Variants in CIB1 observed in about 807,000 individuals in gnomAD.
CIB1 encodes calcium and integrin-binding protein 1.
CIB1 carries 19 observed loss-of-function variants against 25.0 expected under a neutral mutation model. That is an observed-to-expected ratio of 0.76 (90% CI 0.53 to 1.12). The LOEUF is 1.12. CIB1 is among the 50% of genes most tolerant of loss of function. The probability of loss-of-function intolerance (pLI) is 0.00; values close to 1 mark genes in which losing one functional copy is unlikely to be tolerated. For synonymous variants in CIB1, 104 were observed against 98.5 expected, an observed-to-expected ratio of 1.06 and a Z score of -0.33; for missense variants, 236 against 242.6, an observed-to-expected ratio of 0.97 and a Z score of 0.18.
chr15:90,231,743 G>C lies in CIB1; in HGVS notation c.196-236C>G, dbSNP rs1962498476. ...AGTCAAGTGTTTAACCCAAAGGCAG[G>C]TCACATACAACGTAAGTGTGGGCAG... is the stretch of plus-strand genomic sequence containing the variant. On this transcript the variant is annotated intron_variant, in intron 3 of 6. Coordinates refer to ENST00000328649, the MANE Select transcript of CIB1 (RefSeq NM_006384.4). Among the ~76,000 whole-genome samples, 3 of 152,324 alleles carry C rather than the reference G, an allele frequency of 2.0e-5. No individual in the cohort carries two copies. The South Asian group carries it at 6.2e-4, about 32-fold the overall frequency.
Position 90,231,146 on chromosome 15 carries a change from C to G in CIB1, c.414G>C (p.Glu138Asp). ...ACGCACTAAGCCGTGTGTCCTCGCCCTCTCCCGTGAGGCAGTTCACCAGCC... is the reference window on the plus strand; with the variant it reads ...ACGCACTAAGCCGTGTGTCCTCGCCGTCTCCCGTGAGGCAGTTCACCAGCC... ...LSRLVNCLTGEGEDTRLSASE... is the reference protein window; with the variant it reads ...LSRLVNCLTGDGEDTRLSASE... The change falls in exon 5 of 7, where the codon GAG becomes GAC. Residue 138 changes from glutamate (E) to aspartate (D), a missense_variant. Glu to Asp is a conservative substitution (Grantham distance 45, BLOSUM62 2). Transcript: ENST00000328649. The G allele has an allele frequency of 2.5e-6, 4 of 1,614,222 alleles. No homozygotes were observed. The highest frequency in any genetic ancestry group is 3.4e-6 in the Non-Finnish European group (4 of 1,180,036).
At chr15:90,251,704 C>T in the CIB1 span, 19 of 1,253,034 alleles carry the variant, frequency 1.5e-5, no homozygotes, top group Middle Eastern at 2.0e-4. Flanking sequence ...TGGGGCCTGG[C>T]GGGCTTGCCT....
the CIB1 span, among the ~76,000 whole-genome samples, chr15:90,261,255 T>C: frequency 3.3e-5 from 5 of 151,656 alleles, no homozygotes; most frequent in African/African-American, 1.2e-4. Flanking sequence ...ATTTTTGTAT[T>C]TTTAGTAGAA....
At chr15:90,258,279 A>C in the CIB1 span, 1 of 1,613,854 alleles carries the variant, frequency 6.2e-7, no homozygotes, top group Non-Finnish European at 8.5e-7. Flanking sequence ...GGTGAGGATT[A>C]TCTCCTAGGC....
the CIB1 span, chr15:90,257,383 G>A: frequency 8.8e-6 from 13 of 1,475,260 alleles, 1 homozygote; most frequent in African/African-American, 1.8e-4. Flanking sequence ...AAAGAACAAG[G>A]AATGAAGCCA....
the CIB1 span, chr15:90,264,160 G>C: frequency 1.4e-6 from 1 of 705,566 alleles, no homozygotes; most frequent in Non-Finnish European, 2.3e-6. Context: ...ACTTCCACCA[G>C]TGTAAGAATG....
the CIB1 span, chr15:90,264,867 T>C: frequency 6.5e-7 from 1 of 1,535,818 alleles, no homozygotes; most frequent in Non-Finnish European, 8.7e-7. Flanking sequence ...CCCTCCATGG[T>C]AAACTCTGAA....
chr15:90,247,315 A>AAG, the CIB1 span, among the ~76,000 whole-genome samples: 1 of 120,240 alleles, frequency 8.3e-6, no homozygotes, highest in South Asian at 2.5e-4. Context: ...TTTTTTTTTT[A>AAG]AGAGAGAGAG....
At chr15:90,257,404 C>A in the CIB1 span, 2 of 1,381,002 alleles carry the variant, frequency 1.4e-6, no homozygotes, top group Non-Finnish European at 1.9e-6. Flanking sequence ...GCAAGAGCTG[C>A]AGCATCTAGC....
At chr15:90,245,966 C>A in the CIB1 span, among the ~76,000 whole-genome samples, 10 of 152,046 alleles carry the variant, frequency 6.6e-5, no homozygotes. Context: ...GACCTCCCCA[C>A]GTTTTTGCTT....
At chr15:90,260,913 G>A in the CIB1 span, among the ~76,000 whole-genome samples, 8 of 151,290 alleles carry the variant, frequency 5.3e-5, no homozygotes, top group East Asian at 3.9e-4. Flanking sequence ...ACGCATGCAC[G>A]CACAAGCTAG....
At chr15:90,240,962 T>A in the CIB1 span, 1 of 1,614,072 alleles carries the variant, frequency 6.2e-7, no homozygotes, top group Non-Finnish European at 8.5e-7. Flanking sequence ...CTCCCAACAA[T>A]GAGGACTGGG....
At chr15:90,253,588 A>G in the CIB1 span, among the ~76,000 whole-genome samples, 3 of 152,086 alleles carry the variant, frequency 2.0e-5, no homozygotes, top group African/African-American at 7.2e-5. Flanking sequence ...GGCACATCCT[A>G]TCTCATGATT....
chr15:90,251,806 T>C, the CIB1 span, among the ~76,000 whole-genome samples: 2 of 136,850 alleles, frequency 1.5e-5, no homozygotes, highest in East Asian at 2.2e-4. Flanking sequence ...TTAGGGAGGG[T>C]ATCCTCACAG....
chr15:90,264,974 G>A, the CIB1 span: 1 of 1,532,482 alleles, frequency 6.5e-7, no homozygotes, highest in Non-Finnish European at 8.7e-7. Flanking sequence ...GTAAAAGCAG[G>A]AGGGAAGCAC....
At chr15:90,250,322 A>G in the CIB1 span, among the ~76,000 whole-genome samples, 1 of 152,148 alleles carries the variant, frequency 6.6e-6, no homozygotes, top group Non-Finnish European at 1.5e-5. Flanking sequence ...GTCATGGCCC[A>G]TACCATCTGT....
the CIB1 span, chr15:90,262,651 C>G: frequency 6.7e-7 from 1 of 1,495,846 alleles, no homozygotes; most frequent in African/African-American, 1.4e-5. Flanking sequence ...CTTACAGGAA[C>G]CGCAACTGGG....
the CIB1 span, chr15:90,256,425 G>A: frequency 6.0e-6 from 7 of 1,175,354 alleles, no homozygotes; most frequent in Non-Finnish European, 6.0e-6. Flanking sequence ...TTTTCCTGGA[G>A]GCAGTATCCA....
the CIB1 span, chr15:90,264,057 C>T: frequency 2.4e-5 from 36 of 1,527,860 alleles, no homozygotes; most frequent in East Asian, 8.1e-4. Flanking sequence ...GGCTCACTAG[C>T]CGTAAGTATG....
Sources: allele counts gnomAD v4.1 joint callset (sites outside exome capture counted in the v4.1 genomes callset), GRCh38; gene constraint gnomAD v4.1.1; transcripts MANE v1.5; gene names NCBI Gene and HGNC (gene_info 2026-07-23, HGNC 2026-07-21).